The following ADGRL3 variants were observed in gnomAD, a reference collection of about 807,000 sequenced individuals.
The protein encoded by ADGRL3 is adhesion G protein-coupled receptor L3.
ADGRL3 carries 62 observed loss-of-function variants against 153.5 expected under a neutral mutation model. That is an observed-to-expected ratio of 0.40 (90% confidence interval 0.33 to 0.50). The LOEUF (loss-of-function observed/expected upper bound fraction) is 0.50. ADGRL3 is among the 20% of genes least tolerant of loss of function. ADGRL3 has a pLI of 0.47. For missense variants in ADGRL3, 1,641 were observed against 1,859.4 expected (o/e 0.88, Z 2.16); for synonymous variants, 710 against 672.5 (o/e 1.06, Z -0.86).
chr4:61,693,909 A>G (rs1396938924), intron 6 of ADGRL3, among the ~76,000 whole-genome samples: 1 of 152,080 alleles, frequency 6.6e-6, no homozygotes, highest in Non-Finnish European at 1.5e-5. Flanking sequence ...GCAGTTAATA[A>G]CTTCTAAGTT....
intron 9 of ADGRL3, among the ~76,000 whole-genome samples, chr4:61,842,485 G>C (rs1160219380): frequency 6.6e-6 from 1 of 152,144 alleles, no homozygotes; most frequent in Non-Finnish European, 1.5e-5. Context: ...GATCTAGGTA[G>C]CTGGCTGATT....
chr4:61,833,373 G>A lies in ADGRL3; in HGVS notation c.1480+19484G>A, dbSNP rs763826416. Among the ~76,000 whole-genome samples, 3 of 152,134 alleles carry A rather than the reference G, an allele frequency of 2.0e-5. No individual in the cohort carries two copies. In the South Asian group the frequency reaches 6.2e-4, roughly 32 times the overall value. On this transcript the variant is annotated intron_variant, in intron 9 of 26. Coordinates refer to ENST00000683033, the MANE Select transcript of ADGRL3 (RefSeq NM_001387552.1). ...AATTGCAATAGAGAAAGAGTAATTC[G>A]CTGAGAGCCAGCTGTGTGGGAGACT...
intron 2 of ADGRL3, among the ~76,000 whole-genome samples, chr4:61,432,618 CTT>C (rs2097376048): frequency 2.8e-5 from 2 of 70,816 alleles, no homozygotes; most frequent in Non-Finnish European, 5.9e-5. Context: ...TTCTTTCTTT[CTT>C]TCTTTCTTTC....
At chr4:62,014,077 A>G (rs2151291106) in intron 21 of ADGRL3, among the ~76,000 whole-genome samples, 1 of 152,142 alleles carries the variant, frequency 6.6e-6, no homozygotes, top group South Asian at 2.1e-4. Context: ...ATGTAGTGAA[A>G]AGATGGAGAG....
At chr4:61,926,538 G>A (rs1313677300) in intron 13 of ADGRL3, among the ~76,000 whole-genome samples, 1 of 152,056 alleles carries the variant, frequency 6.6e-6, no homozygotes, top group African/African-American at 2.4e-5. Context: ...TTTGAGTCCT[G>A]GTTCTACTCT....
Position 61,206,536 on chromosome 4 carries a change from G to A in ADGRL3, c.-240+4771G>A, listed in dbSNP as rs141744456. Among the ~76,000 whole-genome samples the A allele has an allele frequency of 2.7e-3, 417 of 152,200 alleles. 6 individuals carry two copies. The highest frequency in any genetic ancestry group is 9.4e-3 in the African/African-American group (391 of 41,524). The stretch of plus-strand genomic sequence containing the variant: ...GCCTTTCACTCATATTCTTTAACAC[G>A]TGTTCAGTGGAGTTTTCCAGAAGGT... On this transcript the variant is annotated intron_variant, in intron 1 of 26. Coordinates refer to ENST00000683033, the MANE Select transcript of ADGRL3 (RefSeq NM_001387552.1).
intron 8 of ADGRL3, among the ~76,000 whole-genome samples, chr4:61,735,467 T>C (rs779247469): frequency 6.6e-6 from 1 of 152,144 alleles, no homozygotes; most frequent in Non-Finnish European, 1.5e-5. Flanking sequence ...ACAGGTAAGG[T>C]TTTTTGTTTG....
intron 1 of ADGRL3, among the ~76,000 whole-genome samples, chr4:61,221,618 T>A (rs999059916): frequency 6.6e-5 from 10 of 152,164 alleles, no homozygotes; most frequent in African/African-American, 2.4e-4. Flanking sequence ...GAATTGGTAA[T>A]TTTTCCATGT....
intron 2 of ADGRL3, among the ~76,000 whole-genome samples, chr4:61,411,893 C>T (rs2097092337): frequency 6.6e-6 from 1 of 152,032 alleles, no homozygotes; most frequent in South Asian, 2.1e-4. Flanking sequence ...ATGATAATTC[C>T]ATCTTAATAT....
At chr4:61,912,858 A>T (rs2098728113) in intron 13 of ADGRL3, 101 bp downstream of exon 13, 1 of 1,116,360 alleles carries the variant, frequency 9.0e-7, no homozygotes, top group South Asian at 1.3e-5. Context: ...ACCTTACTGA[A>T]ATAAAGGAAT....
chr4:61,492,644 G>A (rs370746605), intron 2 of ADGRL3, among the ~76,000 whole-genome samples: 2 of 152,008 alleles, frequency 1.3e-5, no homozygotes, highest in East Asian at 1.9e-4. Flanking sequence ...TAAAATCAAT[G>A]TCTCCCATTT....
intron 1 of ADGRL3, among the ~76,000 whole-genome samples, chr4:61,352,316 C>A (rs2096066546): frequency 6.6e-6 from 1 of 152,034 alleles, no homozygotes. Context: ...TAGCAATAAA[C>A]TATTTTTAAA....
chr4:61,754,598 ATC>A (rs1414092543), intron 8 of ADGRL3, among the ~76,000 whole-genome samples: 1 of 150,006 alleles, frequency 6.7e-6, no homozygotes, highest in Non-Finnish European at 1.5e-5. Flanking sequence ...GCCTAGAAAG[ATC>A]TGAGTGTATA....
At chr4:61,893,129 C>G in intron 10 of ADGRL3, among the ~76,000 whole-genome samples, 171 bp downstream of exon 10, 1 of 139,412 alleles carries the variant, frequency 7.2e-6, no homozygotes. Flanking sequence ...CTCTCTTTCT[C>G]TCTTTCTTTC....
chr4:61,866,018 T>C (rs1258136144), intron 9 of ADGRL3, among the ~76,000 whole-genome samples: 2 of 152,158 alleles, frequency 1.3e-5, no homozygotes, highest in Non-Finnish European at 2.9e-5. Context: ...GGATGACCAT[T>C]TACATTTCCT....
chr4:61,779,631 C>A (rs1438743135), intron 8 of ADGRL3, among the ~76,000 whole-genome samples: 1 of 67,312 alleles, frequency 1.5e-5, no homozygotes, highest in East Asian at 4.1e-4. Context: ...AAGACTCTGT[C>A]TCAAAAAAAA....
chr4:61,201,121 A>T lies in ADGRL3; in HGVS notation c.-884A>T, dbSNP rs541693221. ...CCTCGCGGCTCCCCCTACCTATTCCATCGCTCCCGCTCCGAGGCGGAAAGG... is the reference window on the plus strand; with the variant it reads ...CCTCGCGGCTCCCCCTACCTATTCCTTCGCTCCCGCTCCGAGGCGGAAAGG... On this transcript the variant is annotated 5_prime_UTR_variant, in exon 1 of 27. Coordinates refer to ENST00000683033, the MANE Select transcript of ADGRL3 (RefSeq NM_001387552.1). 4.6e-5 allele frequency: 7 copies of T among 152,214 alleles called. No individual in the cohort carries two copies. Among genetic ancestry groups the T allele is most frequent in the African/African-American group, 1.5e-4 (6 of 41,352 alleles). The allele number at this position is 152,214 out of a possible 1,614,324, so 9.4% of individuals were successfully genotyped here.
At chr4:61,720,234 C>G (rs948864897) in intron 6 of ADGRL3, among the ~76,000 whole-genome samples, 1 of 151,524 alleles carries the variant, frequency 6.6e-6, no homozygotes, top group South Asian at 2.1e-4. Context: ...GGACTACAGG[C>G]GCCCACCACC....
chr4:61,845,881 C>T (rs184552053), intron 9 of ADGRL3, among the ~76,000 whole-genome samples: 8 of 152,178 alleles, frequency 5.3e-5, no homozygotes, highest in Admixed American at 3.3e-4. Context: ...TAAACCAATT[C>T]CTACTAGCAA....
Sources: allele counts gnomAD v4.1 joint callset (sites outside exome capture counted in the v4.1 genomes callset), GRCh38; gene constraint gnomAD v4.1.1; transcripts MANE v1.5; gene names NCBI Gene and HGNC (gene_info 2026-07-23, HGNC 2026-07-21).